The following CD8B2 variants were observed in gnomAD, a reference collection of about 807,000 sequenced individuals.
CD8B2 encodes the protein T-cell surface glycoprotein CD8 beta-2 chain.
In CD8B2, 11 loss-of-function variants were observed where a neutral mutation model predicts 23.7. The observed-to-expected ratio is 0.46, with a 90% CI of 0.29 to 0.77. The LOEUF is 0.77. Ranked by LOEUF, CD8B2 falls within the 30% of genes least tolerant of loss-of-function variation. CD8B2 has a pLI of 0.09. For missense variants in CD8B2, 197 were observed against 270.5 expected (o/e 0.73, Z 1.91); for synonymous variants, 90 against 109.3 (o/e 0.82, Z 1.10).
intron 5 of CD8B2, among the ~76,000 whole-genome samples, chr2:106,520,485 G>A (rs1465981101): frequency 6.6e-6 from 1 of 152,164 alleles, no homozygotes; most frequent in Non-Finnish European, 1.5e-5. Flanking sequence ...CACATGGCCT[G>A]GCTGTCTTTC....
chr2:106,520,617 C>A (rs907291650), intron 5 of CD8B2, among the ~76,000 whole-genome samples: 2 of 152,154 alleles, frequency 1.3e-5, no homozygotes, highest in Non-Finnish European at 2.9e-5. Flanking sequence ...TTAGGCCGGG[C>A]ATGGTGGCTC....
At chr2:106,511,987 T>C (rs1480755651), downstream of CD8B2, among the ~76,000 whole-genome samples, 1 of 152,248 alleles carries the variant, frequency 6.6e-6, no homozygotes, top group East Asian at 1.9e-4. Flanking sequence ...GCTTTTCCCA[T>C]TAGTTTACTG....
chr2:106,542,421 T>C (rs559896157), intron 5 of CD8B2, among the ~76,000 whole-genome samples: 1 of 152,310 alleles, frequency 6.6e-6, no homozygotes, highest in South Asian at 2.1e-4. Flanking sequence ...ATATTACTAA[T>C]TATTTTGTAA....
At chr2:106,494,789 C>T (rs1376503113) in intron 2 of CD8B2, among the ~76,000 whole-genome samples, 1 of 152,186 alleles carries the variant, frequency 6.6e-6, no homozygotes, top group Non-Finnish European at 1.5e-5. Flanking sequence ...CAGCACTCAC[C>T]ACTTGGGGCT....
downstream of CD8B2, among the ~76,000 whole-genome samples, chr2:106,511,640 C>T (rs1177248745): frequency 2.0e-5 from 3 of 152,068 alleles, no homozygotes; most frequent in African/African-American, 7.2e-5. Context: ...CCCGACCCCG[C>T]GTGGGCTGCA....
At chr2:106,534,607 AACGCCGGGTTCCCAGGG>A in intron 5 of CD8B2, among the ~76,000 whole-genome samples, 1 of 152,066 alleles carries the variant, frequency 6.6e-6, no homozygotes, top group Non-Finnish European at 1.5e-5. Flanking sequence ...AGCCCAGGGG[AACGCCGGGTTCCCAGGG>A]ACCAGAGCTA....
At chr2:106,495,897 C>G (rs1679290129) in intron 2 of CD8B2, among the ~76,000 whole-genome samples, 1 of 152,182 alleles carries the variant, frequency 6.6e-6, no homozygotes, top group Non-Finnish European at 1.5e-5. Flanking sequence ...TTCCCAAGCT[C>G]AGGTGATCCT....
At chr2:106,493,101 A>G (rs962697560) in intron 2 of CD8B2, among the ~76,000 whole-genome samples, 3 of 152,048 alleles carry the variant, frequency 2.0e-5, no homozygotes, top group African/African-American at 7.3e-5. Context: ...GCACTACAGG[A>G]ATGTCAATGC....
chr2:106,522,586 C>G (rs938356977), intron 5 of CD8B2, among the ~76,000 whole-genome samples: 1 of 152,122 alleles, frequency 6.6e-6, no homozygotes, highest in African/African-American at 2.4e-5. Flanking sequence ...GGTCTGGGGT[C>G]CCTTTAGCAG....
intron 5 of CD8B2, chr2:106,543,163 C>T (rs1434989126): frequency 1.3e-5 from 2 of 152,052 alleles, no homozygotes; most frequent in Non-Finnish European, 2.9e-5. Flanking sequence ...TCTTTGTATC[C>T]CGACCGCCGG....
At chr2:106,533,318 T>C (rs544170175) in intron 5 of CD8B2, among the ~76,000 whole-genome samples, 25 of 152,308 alleles carry the variant, frequency 1.6e-4, no homozygotes, top group African/African-American at 5.5e-4. Flanking sequence ...AGGACGAAAC[T>C]CAGAGCCCTT....
intron 2 of CD8B2, among the ~76,000 whole-genome samples, chr2:106,491,910 C>T (rs1279395100): frequency 2.6e-5 from 4 of 152,068 alleles, no homozygotes; most frequent in African/African-American, 2.4e-5. Flanking sequence ...CAGGGACATT[C>T]GAAGCTACGG....
chr2:106,541,184 G>A (rs185309556), intron 5 of CD8B2, among the ~76,000 whole-genome samples: 1 of 152,140 alleles, frequency 6.6e-6, no homozygotes, highest in Non-Finnish European at 1.5e-5. Context: ...ATGCCTGTTT[G>A]TATCTGTGTA....
At chr2:106,502,690 G>T in intron 4 of CD8B2, 127 bp downstream of exon 4, 3 of 569,268 alleles carry the variant, frequency 5.3e-6, no homozygotes, top group Non-Finnish European at 9.4e-6. Context: ...GAGAACCTGC[G>T]GTATTTCCGG....
chr2:106,498,362 G>A (rs190997890), intron 3 of CD8B2, among the ~76,000 whole-genome samples: 3,640 of 152,096 alleles, frequency 0.024, 60 homozygotes, highest in Middle Eastern at 0.044. Flanking sequence ...TGGCCAAGCT[G>A]GTCTTGAGCT....
rs536855562 is a variant in CD8B2 at position 106,490,779 on chromosome 2, T to C, written c.44-95T>C. 179 of 1,524,246 alleles carry C rather than the reference T, an allele frequency of 1.2e-4. No individual in the cohort carries two copies. The African/African-American group carries it at 2.3e-3, about 20-fold the overall frequency. 94.4% of individuals were successfully genotyped at this position (1,524,246 alleles called of 1,614,324 possible). A position where few individuals can be genotyped will look rare whatever the true frequency, so the allele number is the denominator to read the frequency against. On this transcript the variant is annotated intron_variant, in intron 1 of 5. Coordinates refer to ENST00000643224, the MANE Select transcript of CD8B2 (RefSeq NM_001349727.2). ...CCCAGTAACTGGGCAGGTTCTTCCA[T>C]GGCTTTTCCTTTGACACTTGACTCA...
rs1679806453 is a variant in CD8B2, at chr2:106,520,444, G to T, written c.620+16119G>T. 2.0e-5 allele frequency among the ~76,000 whole-genome samples: 3 copies of T among 152,136 alleles called. No homozygotes were observed. The South Asian group carries it at 6.2e-4, about 32-fold the overall frequency. On this transcript the variant is annotated intron_variant, in intron 5 of 5. Transcript: ENST00000416057. ...GGGACCAGAGACACTGGGGGTAGGT[G>T]GTTCTCAGAAGGCCAAGGGGGATTA...
chr2:106,530,726 G>A (rs193294445), intron 5 of CD8B2, among the ~76,000 whole-genome samples: 1 of 152,282 alleles, frequency 6.6e-6, no homozygotes, highest in African/African-American at 2.4e-5. Flanking sequence ...GTCACAGGAT[G>A]AGATGGGAGG....
At chr2:106,518,070 T>C (rs1459277449) in intron 5 of CD8B2, among the ~76,000 whole-genome samples, 1 of 152,210 alleles carries the variant, frequency 6.6e-6, no homozygotes, top group Non-Finnish European at 1.5e-5. Context: ...GGCTTCTGAA[T>C]TCCTGGGCCA....
Sources: gnomAD v4.1 joint callset for allele counts (sites outside exome capture counted in the v4.1 genomes callset) on GRCh38, gnomAD v4.1.1 for gene constraint, MANE v1.5 for transcripts, NCBI Gene and HGNC (gene_info 2026-07-23, HGNC 2026-07-21) for gene names.